Variants in NDUFA12 observed in about 807,000 individuals in gnomAD.
NDUFA12 encodes NADH dehydrogenase [ubiquinone] 1 alpha subcomplex subunit 12.
NDUFA12 carries 17 observed loss-of-function variants against 20.3 expected under a neutral mutation model. The observed-to-expected ratio is 0.84, with a 90% CI of 0.57 to 1.26. NDUFA12 has a LOEUF of 1.26. Among genes scored for constraint, NDUFA12 ranks in the 50% most tolerant of loss-of-function variants. The pLI is 0.00. For synonymous variants in NDUFA12, 72 were observed against 63.6 expected, an observed-to-expected ratio of 1.13 and a Z score of -0.63; for missense variants, 191 against 183.7, an observed-to-expected ratio of 1.04 and a Z score of -0.23.
intron 2 of NDUFA12, among the ~76,000 whole-genome samples, chr12:94,996,324 T>TACACACACAC (rs71075891): frequency 0.019 from 2,653 of 141,234 alleles, 44 homozygotes; most frequent in East Asian, 0.047. Context: ...CATATATAGG[T>TACACACACAC]ACACACACAC....
At chr12:94,994,317 A>T in intron 2 of NDUFA12, 60 bp from the exon 3 acceptor site, 2 of 1,235,028 alleles carry the variant, frequency 1.6e-6, no homozygotes, top group Admixed American at 1.9e-5. Context: ...ATAGATGCAT[A>T]ATATCAAAGA....
chr12:95,000,409 T>G (rs1196714430), intron 2 of NDUFA12, among the ~76,000 whole-genome samples: 1 of 152,084 alleles, frequency 6.6e-6, no homozygotes, highest in East Asian at 1.9e-4. Flanking sequence ...ACTAAAAAAC[T>G]TATCCATGTA....
intron 3 of NDUFA12, among the ~76,000 whole-genome samples, chr12:94,980,407 GGCCCTCACCT>G (rs1047336446): frequency 6.6e-6 from 1 of 151,812 alleles, no homozygotes; most frequent in Non-Finnish European, 1.5e-5. Flanking sequence ...TCCATGTAAT[GGCCCTCACCT>G]GCCACCCTGT....
rs961539909 is a variant in NDUFA12 at position 94,975,930 on chromosome 12, T to C, written c.258-4310A>G. ...GCATGGTGGCAGGCACCTGTAGTCCTAGCTACTTGGGAGGCTGAGGCAGGG... is the reference window on the plus strand; with the variant it reads ...GCATGGTGGCAGGCACCTGTAGTCCCAGCTACTTGGGAGGCTGAGGCAGGG... On this transcript the variant is annotated intron_variant, in intron 3 of 3. Coordinates refer to ENST00000327772, the MANE Select transcript of NDUFA12 (RefSeq NM_018838.5). Among the ~76,000 whole-genome samples the C allele has an allele frequency of 3.9e-5, 6 of 151,942 alleles. 1 individual carries two copies. The highest frequency in any genetic ancestry group is 6.8e-3 in the Middle Eastern group (2 of 294).
rs1007529872 is a variant in NDUFA12 at position 94,979,186 on chromosome 12, C to T, written c.258-7566G>A. On this transcript the variant is annotated intron_variant, in intron 3 of 3. Transcript: ENST00000327772. ...AAGGCTGTAGTGTGCTATGATTGCA[C>T]CTGTGAATAGCTCCTGTACTCCATC... Among the ~76,000 whole-genome samples the T allele has an allele frequency of 9.9e-5, 15 of 152,046 alleles. 2 individuals are homozygous for T. Among genetic ancestry groups the T allele is most frequent in the Admixed American group, 3.3e-4 (5 of 15,260 alleles).
intron 2 of NDUFA12, among the ~76,000 whole-genome samples, chr12:94,996,529 A>G (rs1874837998): frequency 6.6e-6 from 1 of 151,908 alleles, no homozygotes; most frequent in Non-Finnish European, 1.5e-5. Context: ...GGGAGAACAG[A>G]AGAAAGGAGG....
chr12:94,973,803 C>T (rs73370661), intron 3 of NDUFA12, among the ~76,000 whole-genome samples: 4 of 151,940 alleles, frequency 2.6e-5, no homozygotes, highest in African/African-American at 2.4e-5. Flanking sequence ...ATAAACTATA[C>T]CCATTATGGC....
At chr12:95,000,771 G>A (rs186958522) in intron 2 of NDUFA12, among the ~76,000 whole-genome samples, 254 of 152,230 alleles carry the variant, frequency 1.7e-3, no homozygotes, top group Middle Eastern at 0.01. Context: ...TCCTTTTAAG[G>A]ATACCAAACA....
intron 3 of NDUFA12, among the ~76,000 whole-genome samples, chr12:94,984,732 A>AC (rs1303408303): frequency 4.1e-4 from 51 of 125,494 alleles, no homozygotes; most frequent in African/African-American, 1.4e-3. Flanking sequence ...AAAAACAACA[A>AC]AAAACCCATA....
At chr12:94,999,009 T>C (rs994822021) in intron 2 of NDUFA12, among the ~76,000 whole-genome samples, 3 of 152,014 alleles carry the variant, frequency 2.0e-5, no homozygotes, top group African/African-American at 7.2e-5. Context: ...GAACCAAAAA[T>C]GAGCCCACAC....
At chr12:94,978,344 C>CT (rs1874126152) in intron 3 of NDUFA12, among the ~76,000 whole-genome samples, 1 of 152,166 alleles carries the variant, frequency 6.6e-6, no homozygotes, top group Non-Finnish European at 1.5e-5. Context: ...ACTAGGGTAA[C>CT]AGTCATAGAG....
At position 94,989,223 on chromosome 12, in the gene NDUFA12, G is replaced by A. The variant is rs572729128; in HGVS notation, c.257+4947C>T. Reference sequence around the variant, plus strand: ...GGCCCAGCTTCATATTATCTTCCTTGCATTTTTCATTACCACAATTATATA... The same window carrying A: ...GGCCCAGCTTCATATTATCTTCCTTACATTTTTCATTACCACAATTATATA... On this transcript the variant is annotated intron_variant, in intron 3 of 3. Transcript: ENST00000327772. Among the ~76,000 whole-genome samples, 186 of 152,138 alleles carry A rather than the reference G, an allele frequency of 1.2e-3. 1 individual carries two copies. The highest frequency in any genetic ancestry group is 2.0e-3 in the Non-Finnish European group (135 of 68,002).
intron 3 of NDUFA12, among the ~76,000 whole-genome samples, chr12:94,990,493 C>A (rs1874603416): frequency 6.6e-6 from 1 of 152,116 alleles, no homozygotes; most frequent in African/African-American, 2.4e-5. Context: ...TGCAATCATA[C>A]CTCCTTGCAA....
At chr12:94,971,830 G>A (rs745355590) in intron 3 of NDUFA12, 1 of 736,282 alleles carries the variant, frequency 1.4e-6, no homozygotes, top group Admixed American at 1.9e-5. Flanking sequence ...GGAGATAATA[G>A]ACATAAAGCA....
chr12:94,985,379 C>T (rs575948313), intron 3 of NDUFA12, among the ~76,000 whole-genome samples: 48 of 151,964 alleles, frequency 3.2e-4, no homozygotes, highest in African/African-American at 1.1e-3. Context: ...AATCCCAGCA[C>T]GTTGGGAGGC....
intron 2 of NDUFA12, among the ~76,000 whole-genome samples, chr12:95,001,465 A>T (rs899349695): frequency 1.3e-5 from 2 of 151,892 alleles, no homozygotes; most frequent in Non-Finnish European, 2.9e-5. Context: ...CCAAAAAAAA[A>T]TTTTTTTAAA....
At chr12:94,981,279 T>TACATACAC (rs1874228797) in intron 3 of NDUFA12, among the ~76,000 whole-genome samples, 1 of 151,176 alleles carries the variant, frequency 6.6e-6, no homozygotes, top group Admixed American at 6.6e-5. Context: ...AATACATACA[T>TACATACAC]ACATACATAC....
At chr12:94,994,407 T>G (rs374333006) in intron 2 of NDUFA12, 150 bp from the exon 3 acceptor site, 1 of 629,336 alleles carries the variant, frequency 1.6e-6, no homozygotes, top group Non-Finnish European at 2.7e-6. Flanking sequence ...CTGGGTGAAT[T>G]CGTGAAGGTA....
At chr12:94,995,648 C>T (rs1242268486) in intron 2 of NDUFA12, among the ~76,000 whole-genome samples, 1 of 146,112 alleles carries the variant, frequency 6.8e-6, no homozygotes, top group African/African-American at 2.5e-5. Flanking sequence ...ATTCTCCTGC[C>T]TCAGCCTCCC....
Sources: allele counts gnomAD v4.1 joint callset (sites outside exome capture counted in the v4.1 genomes callset), GRCh38; gene constraint gnomAD v4.1.1; transcripts MANE v1.5; gene names NCBI Gene and HGNC (gene_info 2026-07-23, HGNC 2026-07-21).